The following DLG2 variants were observed in gnomAD, a reference collection of about 807,000 sequenced individuals.
The protein encoded by DLG2 is discs large MAGUK scaffold protein 2.
DLG2 carries 45 observed loss-of-function variants against 132.5 expected under a neutral mutation model. The ratio of observed to expected loss-of-function variants is 0.34; its 90% CI spans 0.27 to 0.44. DLG2 has a LOEUF of 0.44. Among genes scored for constraint, DLG2 ranks in the 20% least tolerant of loss-of-function variants. The pLI, the probability that DLG2 is intolerant of heterozygous loss-of-function variation, is 1.00. For synonymous variants in DLG2, 424 were observed against 419.6 expected (o/e 1.01, Z -0.13); for missense variants, 1,045 against 1,196.9 (o/e 0.87, Z 1.87).
At chr11:84,114,959 C>A (rs1015644655) in intron 9 of DLG2, among the ~76,000 whole-genome samples, 18 of 152,070 alleles carry the variant, frequency 1.2e-4, no homozygotes, top group African/African-American at 4.3e-4. Flanking sequence ...AGTGAGCCAC[C>A]TCACCTGGGC....
chr11:84,812,288 T>A (rs1347234246), intron 6 of DLG2, among the ~76,000 whole-genome samples: 1 of 152,206 alleles, frequency 6.6e-6, no homozygotes, highest in Non-Finnish European at 1.5e-5. Flanking sequence ...AATACTGGAA[T>A]AATTGAACTT....
chr11:83,938,067 A>G (rs573423237), intron 14 of DLG2, among the ~76,000 whole-genome samples: 54 of 152,392 alleles, frequency 3.5e-4, no homozygotes, highest in Non-Finnish European at 3.4e-4. Flanking sequence ...AAAACAAAAC[A>G]ATCAAAATGT....
At chr11:85,439,603 C>G (rs891079191) in intron 3 of DLG2, among the ~76,000 whole-genome samples, 12 of 152,088 alleles carry the variant, frequency 7.9e-5, no homozygotes, top group African/African-American at 2.9e-4. Context: ...TCATGATGTA[C>G]CCGCCTCGGC....
chr11:83,517,902 T>G (rs992662377), intron 21 of DLG2, among the ~76,000 whole-genome samples: 1 of 152,154 alleles, frequency 6.6e-6, no homozygotes, highest in African/African-American at 2.4e-5. Flanking sequence ...AGAGGAGTAC[T>G]CGGCCATGTG....
At chr11:84,855,075 C>T (rs531530883) in intron 6 of DLG2, among the ~76,000 whole-genome samples, 58 of 152,070 alleles carry the variant, frequency 3.8e-4, no homozygotes, top group African/African-American at 1.3e-3. Flanking sequence ...TGTCAGATGA[C>T]GGGCTCAGAG....
chr11:83,707,187 A>G (rs1015647373), intron 18 of DLG2, among the ~76,000 whole-genome samples: 1 of 152,192 alleles, frequency 6.6e-6, no homozygotes, highest in Admixed American at 6.5e-5. Context: ...AGAGCCCTAG[A>G]ACAACACTGA....
intron 7 of DLG2, among the ~76,000 whole-genome samples, chr11:84,363,277 T>C (rs1173210966): frequency 6.6e-6 from 1 of 152,062 alleles, no homozygotes; most frequent in African/African-American, 2.4e-5. Context: ...TGAGGATTTT[T>C]TCATGTGTTT....
At chr11:84,619,124 A>G (rs1289289428) in intron 6 of DLG2, among the ~76,000 whole-genome samples, 2 of 151,986 alleles carry the variant, frequency 1.3e-5, no homozygotes, top group African/African-American at 2.4e-5. Context: ...TTGACAAAAT[A>G]TTCACCACAT....
intron 7 of DLG2, among the ~76,000 whole-genome samples, chr11:84,286,788 T>C (rs1372806415): frequency 1.3e-5 from 2 of 152,082 alleles, no homozygotes; most frequent in African/African-American, 2.4e-5. Flanking sequence ...CCCTGAGCCA[T>C]GGAAAGGAGC....
At chr11:85,276,872 TC>T (rs1454363533) in intron 4 of DLG2, among the ~76,000 whole-genome samples, 1 of 152,170 alleles carries the variant, frequency 6.6e-6, no homozygotes, top group Non-Finnish European at 1.5e-5. Context: ...TAAGGTATGA[TC>T]TAACAAGTGA....
At chr11:84,889,685 G>T (rs4457780) in intron 6 of DLG2, among the ~76,000 whole-genome samples, 78,658 of 151,978 alleles carry the variant, frequency 0.52, 20,960 homozygotes, top group African/African-American at 0.61. Flanking sequence ...AATTATTATC[G>T]CTTTTTCTTA....
chr11:83,810,564 A>G lies in DLG2; in HGVS notation c.1722+23050T>C, dbSNP rs533611176. Among the ~76,000 whole-genome samples, 194 of 152,134 alleles carry G rather than the reference A, an allele frequency of 1.3e-3. 5 individuals are homozygous for G. In the South Asian group the frequency reaches 0.04, roughly 31 times the overall value. The stretch of plus-strand genomic sequence containing the variant: ...ATTTTGTACTTTAGTTCCTTTGTTT[A>G]TTAAATAAACAACAAACAAACAAAT... On this transcript the variant is annotated intron_variant, in intron 17 of 27. Transcript: ENST00000376104.
chr11:84,257,878 G>A (rs2097500052), intron 7 of DLG2, among the ~76,000 whole-genome samples: 1 of 151,544 alleles, frequency 6.6e-6, no homozygotes. Flanking sequence ...ATAGAGACGG[G>A]GTTTTGCTAT....
intron 7 of DLG2, among the ~76,000 whole-genome samples, chr11:84,384,351 T>C (rs1357011145): frequency 6.6e-6 from 1 of 152,042 alleles, no homozygotes; most frequent in African/African-American, 2.4e-5. Context: ...CTTACATAAT[T>C]TCTCATGGTT....
At chr11:85,586,492 A>G (rs1349410498) in intron 3 of DLG2, among the ~76,000 whole-genome samples, 3 of 152,164 alleles carry the variant, frequency 2.0e-5, no homozygotes, top group Non-Finnish European at 4.4e-5. Context: ...GTTTGTCCAC[A>G]TAATGGTGTT....
intron 6 of DLG2, among the ~76,000 whole-genome samples, chr11:84,598,511 C>G (rs1203588111): frequency 6.6e-6 from 1 of 152,194 alleles, no homozygotes; most frequent in Non-Finnish European, 1.5e-5. Context: ...TAATCCTATT[C>G]ATCACTAAAT....
Position 84,384,788 on chromosome 11 carries a change from T to C in DLG2, c.520-133497A>G, listed in dbSNP as rs79900828. Among the ~76,000 whole-genome samples, 502 of 152,190 alleles carry C rather than the reference T, an allele frequency of 3.3e-3. 23 individuals are homozygous for C. The East Asian group carries it at 0.075, about 23-fold the overall frequency. ...TTCCAGTAAAACTGGAACTGGGTGC[T>C]GATTTTCCTCTATATGTGCTGCAAT... On this transcript the variant is annotated intron_variant, in intron 7 of 27. Coordinates refer to ENST00000376104, the MANE Select transcript of DLG2 (RefSeq NM_001142699.3).
At chr11:83,903,073 G>A (rs790353) in intron 15 of DLG2, among the ~76,000 whole-genome samples, 123,812 of 152,082 alleles carry the variant, frequency 0.81, 50,727 homozygotes, top group African/African-American at 0.92. Context: ...ATGTGTTATC[G>A]GGCAACCACA....
chr11:84,865,154 C>A (rs2084357699), intron 6 of DLG2, among the ~76,000 whole-genome samples: 1 of 152,068 alleles, frequency 6.6e-6, no homozygotes, highest in Non-Finnish European at 1.5e-5. Flanking sequence ...TTGTCCAGCC[C>A]AAACAGAGAT....
Sources: allele counts gnomAD v4.1 joint callset (sites outside exome capture counted in the v4.1 genomes callset), GRCh38; gene constraint gnomAD v4.1.1; transcripts MANE v1.5; gene names NCBI Gene and HGNC (gene_info 2026-07-23, HGNC 2026-07-21).